The following COLGALT2 variants were observed in gnomAD, a reference collection of about 807,000 sequenced individuals.
COLGALT2 encodes collagen beta(1-O)galactosyltransferase 2, also known as procollagen galactosyltransferase 2.
Under a neutral mutation model 73.4 loss-of-function variants are expected in COLGALT2, and 49 were observed. The observed-to-expected ratio is 0.67, with a 90% CI of 0.53 to 0.85. The LOEUF is 0.85. COLGALT2 is among the 40% of genes least tolerant of loss of function. The pLI, the probability that COLGALT2 is intolerant of heterozygous loss-of-function variation, is 0.00. For missense variants in COLGALT2, 722 were observed against 790.2 expected (o/e 0.91, Z 1.03); for synonymous variants, 295 against 307.6 (o/e 0.96, Z 0.43).
intron 1 of COLGALT2, among the ~76,000 whole-genome samples, chr1:184,013,033 G>C (rs954356570): frequency 6.6e-6 from 1 of 152,250 alleles, no homozygotes; most frequent in Non-Finnish European, 1.5e-5. Flanking sequence ...TGTTAAGGGA[G>C]GCCAGGTGCG....
chr1:184,005,493 CA>C (rs2102842442), intron 1 of COLGALT2, among the ~76,000 whole-genome samples: 1 of 152,296 alleles, frequency 6.6e-6, no homozygotes, highest in Non-Finnish European at 1.5e-5. Flanking sequence ...AAGGCCCAGA[CA>C]ACTGTGTGGG....
At chr1:184,002,386 C>T (rs1305014660) in intron 1 of COLGALT2, among the ~76,000 whole-genome samples, 9 of 152,198 alleles carry the variant, frequency 5.9e-5, no homozygotes, top group Admixed American at 2.0e-4. Flanking sequence ...AAAGGATTTA[C>T]TGTGTGAGGA....
intron 1 of COLGALT2, among the ~76,000 whole-genome samples, chr1:184,024,544 G>T (rs1024721015): frequency 6.6e-6 from 1 of 151,308 alleles, no homozygotes; most frequent in African/African-American, 2.4e-5. Flanking sequence ...TAGAGATGGG[G>T]TTTCACCATG....
chr1:183,954,402 A>G (rs763589154), intron 7 of COLGALT2, among the ~76,000 whole-genome samples: 9 of 152,256 alleles, frequency 5.9e-5, no homozygotes, highest in Non-Finnish European at 1.3e-4. Flanking sequence ...GCAGAATAAA[A>G]TTAAAGTCCT....
intron 1 of COLGALT2, among the ~76,000 whole-genome samples, chr1:183,992,669 TAG>T (rs948611849): frequency 5.6e-4 from 85 of 152,352 alleles, no homozygotes; most frequent in African/African-American, 2.0e-3. Flanking sequence ...TTGCTGTGAA[TAG>T]AGTTATCAGT....
At chr1:183,990,002 AT>A (rs1671589432) in intron 1 of COLGALT2, among the ~76,000 whole-genome samples, 1 of 152,218 alleles carries the variant, frequency 6.6e-6, no homozygotes, top group Non-Finnish European at 1.5e-5. Context: ...CTTAAGACAC[AT>A]GCAAAAAAGT....
At chr1:183,970,667 C>T (rs984814885) in intron 4 of COLGALT2, among the ~76,000 whole-genome samples, 42 of 152,290 alleles carry the variant, frequency 2.8e-4, no homozygotes, top group African/African-American at 9.9e-4. Flanking sequence ...TAGTCCATGC[C>T]TACCCTCTTT....
intron 8 of COLGALT2, chr1:183,945,786 G>A (rs1572630531): frequency 5.3e-6 from 3 of 569,546 alleles, no homozygotes; most frequent in East Asian, 5.8e-5. Context: ...ATCCCTCATA[G>A]TGCCCAACAT....
chr1:183,948,211 G>T lies in COLGALT2; in HGVS notation c.1137-2647C>A, dbSNP rs141090663. Among the ~76,000 whole-genome samples, 313 of 152,040 alleles carry T rather than the reference G, an allele frequency of 2.1e-3. 6 individuals carry two copies. The highest frequency in any genetic ancestry group is 0.016 in the Admixed American group (247 of 15,282). ...AACTTCCAAAAAAAAAGAGGAGGAG[G>T]GAACACATCCCAGCTGATTTTATGA... On this transcript the variant is annotated intron_variant, in intron 8 of 11. Coordinates refer to ENST00000361927, the MANE Select transcript of COLGALT2 (RefSeq NM_015101.4).
rs869129633 is a variant in COLGALT2 at position 183,994,026 on chromosome 1, C to CTTTTT, written c.264-15511_264-15507dup. 7.9e-4 allele frequency among the ~76,000 whole-genome samples: 55 copies of CTTTTT among 70,042 alleles called. 3 individuals are homozygous for CTTTTT. The highest frequency in any genetic ancestry group is 1.1e-3 in the Non-Finnish European group (40 of 37,156). 46.0% of individuals were successfully genotyped at this position (70,042 alleles called of 152,430 possible). ...GTCACACTCATTTTCTCTTGTAATTCTTTTTTTTTTTTTTTTTTTTTTTTT... is the reference window on the plus strand; with the variant it reads ...GTCACACTCATTTTCTCTTGTAATTCTTTTTTTTTTTTTTTTTTTTTTTTTTTTTT... On this transcript the variant is annotated intron_variant, in intron 1 of 11. Transcript: ENST00000361927.
At chr1:183,991,815 T>A (rs1356518537) in intron 1 of COLGALT2, among the ~76,000 whole-genome samples, 4 of 152,176 alleles carry the variant, frequency 2.6e-5, no homozygotes, top group African/African-American at 9.7e-5. Context: ...TTGAGTTATT[T>A]TACTTAGTCG....
chr1:183,952,022 G>A (rs551492733), intron 7 of COLGALT2, among the ~76,000 whole-genome samples: 1 of 152,296 alleles, frequency 6.6e-6, no homozygotes, highest in South Asian at 2.1e-4. Flanking sequence ...GAACAGAATA[G>A]AGAACCAGAA....
At chr1:183,992,947 T>A (rs1671668633) in intron 1 of COLGALT2, among the ~76,000 whole-genome samples, 1 of 152,196 alleles carries the variant, frequency 6.6e-6, no homozygotes, top group Admixed American at 6.5e-5. Flanking sequence ...ATAAGCTCCA[T>A]GAGGGCAGGG....
intron 6 of COLGALT2, among the ~76,000 whole-genome samples, chr1:183,960,292 T>C (rs1670664051): frequency 6.6e-6 from 1 of 152,216 alleles, no homozygotes; most frequent in Non-Finnish European, 1.5e-5. Context: ...ATACTTCGTC[T>C]TTTCTTGGTC....
chr1:183,938,637 T>G lies in COLGALT2; in HGVS notation c.*124A>C. The G allele has an allele frequency of 6.8e-7, 1 of 1,466,620 alleles. No homozygotes were observed. Among genetic ancestry groups the G allele is most frequent in the Admixed American group, 2.7e-5 (1 of 37,304 alleles). 90.9% of individuals were successfully genotyped at this position (1,466,620 alleles called of 1,614,324 possible). On this transcript the variant is annotated 3_prime_UTR_variant, in exon 12 of 12. Coordinates refer to ENST00000361927, the MANE Select transcript of COLGALT2 (RefSeq NM_015101.4). ...ATTTCGATCTATCACACTAGATCAC[T>G]TTGGTTAGATGACTGTGACCACTAA...
At chr1:184,004,703 T>C (rs1470521621) in intron 1 of COLGALT2, among the ~76,000 whole-genome samples, 2 of 152,206 alleles carry the variant, frequency 1.3e-5, no homozygotes, top group African/African-American at 4.8e-5. Context: ...AATGTTCTGG[T>C]AATTTTGTAG....
chr1:183,978,396 C>T lies in COLGALT2; in HGVS notation c.374+14G>A. ...GTAAATAATGAGTTTACAAATTTCGCACTTGCTACTCACTCTGGTTCATCC... is the reference window on the plus strand; with the variant it reads ...GTAAATAATGAGTTTACAAATTTCGTACTTGCTACTCACTCTGGTTCATCC... On this transcript the variant is annotated intron_variant, in intron 2 of 11. Coordinates refer to ENST00000361927, the MANE Select transcript of COLGALT2 (RefSeq NM_015101.4). 6.8e-7 allele frequency: 1 copy of T among 1,473,118 alleles called. No individual in the cohort carries two copies. The highest frequency in any genetic ancestry group is 1.1e-5 in the South Asian group (1 of 87,394). The allele number at this position is 1,473,118 out of a possible 1,614,324, so 91.3% of individuals were successfully genotyped here.
intron 1 of COLGALT2, 101 bp from the exon 2 acceptor site, chr1:183,978,621 T>TG (rs386637483): frequency 3.5e-6 from 2 of 573,036 alleles, no homozygotes; most frequent in Admixed American, 7.4e-5. Context: ...TGGCTACTCC[T>TG]GGAAAAAAAA....
At chr1:184,012,469 A>G (rs773588373) in intron 1 of COLGALT2, among the ~76,000 whole-genome samples, 1 of 152,230 alleles carries the variant, frequency 6.6e-6, no homozygotes. Context: ...GAGAGAAAAA[A>G]GATTGAATCT....
Sources: allele counts gnomAD v4.1 joint callset (sites outside exome capture counted in the v4.1 genomes callset), GRCh38; gene constraint gnomAD v4.1.1; transcripts MANE v1.5; gene names NCBI Gene and HGNC (gene_info 2026-07-23, HGNC 2026-07-21).